CUX1: variants seen among roughly 807,000 people sequenced by gnomAD.
CUX1 encodes protein CASP.
Under a neutral mutation model 158.8 loss-of-function variants are expected in CUX1, and 31 were observed. The ratio of observed to expected loss-of-function variants is 0.20; its 90% CI spans 0.15 to 0.26. CUX1 has a LOEUF of 0.26. CUX1 is among the 10% of genes least tolerant of loss of function. The pLI, the probability that CUX1 is intolerant of heterozygous loss-of-function variation, is 1.00. For synonymous variants in CUX1, 879 were observed against 862.1 expected, an observed-to-expected ratio of 1.02 and a Z score of -0.34; for missense variants, 1,589 against 2,014.6, an observed-to-expected ratio of 0.79 and a Z score of 4.04.
intron 7 of CUX1, among the ~76,000 whole-genome samples, chr7:102,112,244 T>C (rs1331268993): frequency 5.4e-5 from 8 of 147,410 alleles, no homozygotes; most frequent in South Asian, 2.1e-4. Context: ...CTCTCTCTCT[T>C]TTTTTTTTTT....
Position 101,991,158 on chromosome 7 carries a change from G to A in CUX1, c.142-36940G>A, listed in dbSNP as rs190551242. ...TCCCCCGGGTGGCTTATGAGATCCA[G>A]TACTTCTAGTTTCACTTCTTTAAAA... On this transcript the variant is annotated intron_variant, in intron 2 of 23. Coordinates refer to ENST00000292535, the MANE Select transcript of CUX1 (RefSeq NM_181552.4). Among the ~76,000 whole-genome samples the A allele has an allele frequency of 4.5e-3, 679 of 152,252 alleles. 4 individuals are homozygous for A. Among genetic ancestry groups the A allele is most frequent in the African/African-American group, 0.016 (652 of 41,550 alleles).
intron 20 of CUX1, among the ~76,000 whole-genome samples, chr7:102,218,663 G>A (rs1554525768): frequency 6.6e-6 from 1 of 151,968 alleles, no homozygotes; most frequent in African/African-American, 2.4e-5. Context: ...ACTCCAGCCT[G>A]GGCAACAGGG....
chr7:101,966,691 G>A (rs950664389), intron 2 of CUX1, among the ~76,000 whole-genome samples: 7 of 152,154 alleles, frequency 4.6e-5, no homozygotes, highest in South Asian at 2.1e-4. Flanking sequence ...CAGGTGCCCC[G>A]ACAGGTGAGG....
At chr7:101,901,222 C>T (rs73185813) in intron 1 of CUX1, among the ~76,000 whole-genome samples, 1 of 151,948 alleles carries the variant, frequency 6.6e-6, no homozygotes, top group Non-Finnish European at 1.5e-5. Context: ...CTGGAAGAAA[C>T]AGGGCTATAC....
chr7:102,192,221 C>T (rs1347067139), intron 12 of CUX1, among the ~76,000 whole-genome samples: 1 of 152,218 alleles, frequency 6.6e-6, no homozygotes, highest in Admixed American at 6.5e-5. Context: ...GCACAAGACA[C>T]CCTGTCCCTT....
At chr7:102,000,145 G>A (rs202149) in intron 2 of CUX1, among the ~76,000 whole-genome samples, 85,828 of 151,754 alleles carry the variant, frequency 0.57, 24,850 homozygotes, top group East Asian at 0.96. Flanking sequence ...GAATCCGGGC[G>A]GCGGAGGTTG....
rs111302123 is a variant in CUX1, at chr7:101,965,389, C to T, written c.141+49164C>T. ...GTCGAGCTGGCCTTTGTGCCCATGA[C>T]GTCTCCCTCCCAGACCTGTTCTCCT... On this transcript the variant is annotated intron_variant, in intron 2 of 23. Coordinates refer to ENST00000292535, the MANE Select transcript of CUX1 (RefSeq NM_181552.4). Among the ~76,000 whole-genome samples the T allele has an allele frequency of 1.4e-4, 21 of 152,188 alleles. 1 individual carries two copies. Among genetic ancestry groups the T allele is most frequent in the African/African-American group, 5.1e-4 (21 of 41,526 alleles).
At chr7:102,234,516 G>A (rs1799327506) in intron 22 of CUX1, among the ~76,000 whole-genome samples, 1 of 152,166 alleles carries the variant, frequency 6.6e-6, no homozygotes, top group African/African-American at 2.4e-5. Flanking sequence ...TGGGGGCGCT[G>A]CATTTGGTTT....
rs190566984 is a variant in CUX1, at chr7:101,828,292, T to C, written c.30+10623T>C. On this transcript the variant is annotated intron_variant, in intron 1 of 23. Coordinates refer to ENST00000292535, the MANE Select transcript of CUX1 (RefSeq NM_181552.4). Reference sequence around the variant, plus strand: ...GCCCCACTCAATGTCACTTTTATTATGGAAAAAAAAAAATCTGCGTGTAAG... The same window carrying C: ...GCCCCACTCAATGTCACTTTTATTACGGAAAAAAAAAAATCTGCGTGTAAG... Among the ~76,000 whole-genome samples the C allele has an allele frequency of 6.6e-5, 10 of 151,554 alleles. No individual in the cohort carries two copies. In the East Asian group the frequency reaches 1.7e-3, roughly 26 times the overall value.
chr7:101,861,654 T>C (rs1797470684), intron 1 of CUX1, among the ~76,000 whole-genome samples: 1 of 152,116 alleles, frequency 6.6e-6, no homozygotes, highest in South Asian at 2.1e-4. Context: ...TGACCAGTCC[T>C]GATTTGGTGG....
intron 8 of CUX1, among the ~76,000 whole-genome samples, chr7:102,138,876 A>G (rs1834163488): frequency 6.6e-6 from 1 of 152,194 alleles, no homozygotes. Flanking sequence ...ATTTACACAC[A>G]TAGACAAAGG....
chr7:102,158,180 G>A (rs1789997175), intron 8 of CUX1, among the ~76,000 whole-genome samples: 1 of 151,984 alleles, frequency 6.6e-6, no homozygotes, highest in African/African-American at 2.4e-5. Context: ...CACCTCCTCT[G>A]CAGCCTTCCT....
chr7:102,150,531 G>C (rs577043770), intron 8 of CUX1, among the ~76,000 whole-genome samples: 1 of 152,054 alleles, frequency 6.6e-6, no homozygotes, highest in African/African-American at 2.4e-5. Context: ...TTTTCCAACT[G>C]CCTTGTAGAT....
intron 21 of CUX1, among the ~76,000 whole-genome samples, chr7:102,232,306 C>A (rs1201969300): frequency 1.3e-5 from 2 of 152,200 alleles, no homozygotes; most frequent in South Asian, 2.1e-4. Context: ...TATAGCGAGA[C>A]CCTGTTTCTT....
At chr7:102,038,629 C>T (rs1439057174) in intron 3 of CUX1, among the ~76,000 whole-genome samples, 2 of 152,154 alleles carry the variant, frequency 1.3e-5, no homozygotes, top group Non-Finnish European at 2.9e-5. Context: ...TACCTTGACG[C>T]GGCAGTTTCA....
intron 1 of CUX1, among the ~76,000 whole-genome samples, chr7:101,888,821 C>T (rs948175771): frequency 2.0e-5 from 3 of 151,982 alleles, no homozygotes; most frequent in Non-Finnish European, 2.9e-5. Flanking sequence ...AACTCTTGAC[C>T]TCAAGTGATC....
At chr7:102,041,348 G>A (rs978574849) in intron 3 of CUX1, among the ~76,000 whole-genome samples, 7 of 131,790 alleles carry the variant, frequency 5.3e-5, no homozygotes, top group Non-Finnish European at 1.1e-4. Context: ...TCTGCTTCCT[G>A]GGTTCAAGCG....
At chr7:101,968,940 G>T (rs1416791285) in intron 2 of CUX1, among the ~76,000 whole-genome samples, 1 of 152,104 alleles carries the variant, frequency 6.6e-6, no homozygotes, top group Non-Finnish European at 1.5e-5. Flanking sequence ...GCCAGCTGTG[G>T]GCTAGTGGTG....
chr7:102,066,572 G>A (rs1011201346), intron 3 of CUX1, among the ~76,000 whole-genome samples: 2 of 152,104 alleles, frequency 1.3e-5, no homozygotes, highest in African/African-American at 4.8e-5. Context: ...GCAGCCACCC[G>A]GTACCCTGAG....
Sources: gnomAD v4.1 joint callset for allele counts (sites outside exome capture counted in the v4.1 genomes callset) on GRCh38, gnomAD v4.1.1 for gene constraint, MANE v1.5 for transcripts, NCBI Gene and HGNC (gene_info 2026-07-23, HGNC 2026-07-21) for gene names.